The following CSMD1 variants were observed in gnomAD, a reference collection of about 807,000 sequenced individuals.
CSMD1 encodes CUB and Sushi multiple domains 1, also known as CUB and sushi domain-containing protein 1.
A neutral mutation model predicts 417.5 loss-of-function variants in CSMD1; 213 were observed. That is an observed-to-expected ratio of 0.51 (90% CI 0.46 to 0.57). The LOEUF is 0.57. Among genes scored for constraint, CSMD1 ranks in the 20% least tolerant of loss-of-function variants. The pLI, the probability that CSMD1 is intolerant of heterozygous loss-of-function variation, is 0.00. For synonymous variants in CSMD1, 2,862 were observed against 1,736.8 expected, an observed-to-expected ratio of 1.65 and a Z score of -16.11; for missense variants, 6,923 against 4,529.7, an observed-to-expected ratio of 1.53 and a Z score of -15.17.
chr8:4,701,893 T>C (rs958360285), intron 1 of CSMD1, among the ~76,000 whole-genome samples: 3 of 152,178 alleles, frequency 2.0e-5, no homozygotes, highest in Non-Finnish European at 4.4e-5. Context: ...ATAAAGAACA[T>C]GTGGCACACG....
At chr8:4,794,814 T>C (rs1034768053) in intron 1 of CSMD1, among the ~76,000 whole-genome samples, 4 of 152,118 alleles carry the variant, frequency 2.6e-5, no homozygotes, top group African/African-American at 9.7e-5. Context: ...CACTCAATGG[T>C]CCAAGTTACA....
intron 6 of CSMD1, among the ~76,000 whole-genome samples, chr8:3,733,903 G>C (rs889203151): frequency 1.3e-5 from 2 of 152,118 alleles, no homozygotes; most frequent in East Asian, 1.9e-4. Context: ...GAAAAGCATA[G>C]TTTATGTAGG....
intron 26 of CSMD1, among the ~76,000 whole-genome samples, chr8:3,261,978 CA>C (rs1801100035): frequency 6.6e-6 from 1 of 151,656 alleles, no homozygotes; most frequent in Non-Finnish European, 1.5e-5. Context: ...TCTAGTTCTA[CA>C]GGATGTTACT....
chr8:3,107,905 G>A lies in CSMD1; in HGVS notation c.6755-107C>T, dbSNP rs114136249. On this transcript the variant is annotated intron_variant, in intron 44 of 69. Transcript: ENST00000635120. ...CAGTTGTTATAATGCTTAAGTACACGGACTGAAATGTCTCTATTCCTGAAT... is the reference window on the plus strand; with the variant it reads ...CAGTTGTTATAATGCTTAAGTACACAGACTGAAATGTCTCTATTCCTGAAT... 1.4e-3 allele frequency: 957 copies of A among 674,860 alleles called. 4 individuals are homozygous for A. In the African/African-American group the frequency reaches 0.017, roughly 12 times the overall value. The allele number at this position is 674,860 out of a possible 1,614,324, so 41.8% of individuals were successfully genotyped here.
intron 2 of CSMD1, among the ~76,000 whole-genome samples, chr8:4,565,840 C>T (rs1798582969): frequency 6.8e-6 from 1 of 147,472 alleles, no homozygotes; most frequent in Non-Finnish European, 1.5e-5. Context: ...CGCACACACA[C>T]ACAAATTTAG....
intron 5 of CSMD1, among the ~76,000 whole-genome samples, chr8:3,978,571 G>C (rs967517875): frequency 1.9e-4 from 29 of 152,188 alleles, no homozygotes; most frequent in African/African-American, 6.0e-4. Context: ...GATCCTCATA[G>C]GGTCTAATGA....
intron 1 of CSMD1, among the ~76,000 whole-genome samples, chr8:4,749,130 T>C: frequency 2.0e-5 from 3 of 152,390 alleles, no homozygotes; most frequent in Admixed American, 2.0e-4. Flanking sequence ...CTGCCACATC[T>C]AATATTGTCA....
chr8:3,718,479 G>T (rs1445913443), intron 6 of CSMD1, among the ~76,000 whole-genome samples: 1 of 152,210 alleles, frequency 6.6e-6, no homozygotes, highest in Non-Finnish European at 1.5e-5. Flanking sequence ...CACCAGGAAA[G>T]ACAGAGGTAC....
At chr8:3,527,969 G>C (rs974705730) in intron 10 of CSMD1, among the ~76,000 whole-genome samples, 1 of 152,098 alleles carries the variant, frequency 6.6e-6, no homozygotes, top group Non-Finnish European at 1.5e-5. Flanking sequence ...TGTGGCCTCC[G>C]CCCACCACAC....
chr8:4,127,396 C>A (rs534498945), intron 3 of CSMD1, among the ~76,000 whole-genome samples: 9 of 144,480 alleles, frequency 6.2e-5, no homozygotes, highest in Non-Finnish European at 1.2e-4. Context: ...AATCTCCAAT[C>A]TGGAAAATCT....
At chr8:3,530,458 A>G (rs903514038) in intron 10 of CSMD1, among the ~76,000 whole-genome samples, 2 of 152,130 alleles carry the variant, frequency 1.3e-5, no homozygotes, top group African/African-American at 4.8e-5. Context: ...ATATTTGTAA[A>G]TTTCCTAGCT....
intron 10 of CSMD1, among the ~76,000 whole-genome samples, chr8:3,540,069 C>T (rs1798374148): frequency 6.6e-6 from 1 of 152,098 alleles, no homozygotes. Flanking sequence ...CTCTGATTGG[C>T]TCATAAATAG....
intron 3 of CSMD1, among the ~76,000 whole-genome samples, chr8:4,235,452 T>C (rs1801990099): frequency 1.3e-5 from 2 of 152,128 alleles, no homozygotes; most frequent in Non-Finnish European, 2.9e-5. Context: ...TGTCCACAAG[T>C]ACCTGCTGAG....
intron 40 of CSMD1, among the ~76,000 whole-genome samples, chr8:3,143,250 C>T (rs1460901751): frequency 2.6e-5 from 4 of 152,150 alleles, no homozygotes; most frequent in African/African-American, 4.8e-5. Flanking sequence ...ACTAACTGGA[C>T]GGTCATACCA....
intron 2 of CSMD1, among the ~76,000 whole-genome samples, chr8:4,597,405 T>C (rs987632112): frequency 6.6e-6 from 1 of 152,148 alleles, no homozygotes; most frequent in African/African-American, 2.4e-5. Flanking sequence ...AGGTTAAATA[T>C]CCATCCCCAA....
intron 3 of CSMD1, among the ~76,000 whole-genome samples, chr8:4,333,138 C>T (rs1213116288): frequency 1.3e-5 from 2 of 152,050 alleles, no homozygotes; most frequent in South Asian, 2.1e-4. Context: ...TCCAGCAACA[C>T]CTGATTGAAC....
chr8:4,075,144 AAGC>A (rs1799755623), intron 3 of CSMD1, among the ~76,000 whole-genome samples: 1 of 152,222 alleles, frequency 6.6e-6, no homozygotes, highest in Non-Finnish European at 1.5e-5. Flanking sequence ...ACGAAAAACT[AAGC>A]AGGATTAAAT....
intron 3 of CSMD1, among the ~76,000 whole-genome samples, chr8:4,238,343 C>A (rs1046351055): frequency 6.6e-6 from 1 of 152,178 alleles, no homozygotes; most frequent in African/African-American, 2.4e-5. Flanking sequence ...GGGTGGTCCT[C>A]CAGCTCCCAG....
rs554590429 is a variant in CSMD1 at position 3,281,470 on chromosome 8, T to C, written c.4153+2674A>G. Among the ~76,000 whole-genome samples the C allele has an allele frequency of 5.3e-5, 8 of 152,048 alleles. No individual in the cohort carries two copies. In the South Asian group the frequency reaches 1.2e-3, roughly 24 times the overall value. ...AGGAAAAAAACGGGTAAATAAACTG[T>C]GGTACAACAAGTCAATAGAATATTA... On this transcript the variant is annotated intron_variant, in intron 26 of 69. Coordinates refer to ENST00000635120, the MANE Select transcript of CSMD1 (RefSeq NM_033225.6).
Sources: gnomAD v4.1 joint callset for allele counts (sites outside exome capture counted in the v4.1 genomes callset) on GRCh38, gnomAD v4.1.1 for gene constraint, MANE v1.5 for transcripts, NCBI Gene and HGNC (gene_info 2026-07-23, HGNC 2026-07-21) for gene names.